CDK8: variants seen among roughly 807,000 people sequenced by gnomAD.
The protein encoded by CDK8 is cyclin-dependent kinase 8.
Under a neutral mutation model 71.5 loss-of-function variants are expected in CDK8, and 29 were observed. The ratio of observed to expected loss-of-function variants is 0.41; its 90% confidence interval spans 0.30 to 0.55. The LOEUF (loss-of-function observed/expected upper bound fraction) is 0.55, where lower values mean the gene tolerates loss of function less well. Among genes scored for constraint, CDK8 ranks in the 20% least tolerant of loss-of-function variants. The probability of loss-of-function intolerance (pLI) is 0.37; values close to 1 mark genes in which losing one functional copy is unlikely to be tolerated. For synonymous variants in CDK8, 161 were observed against 192.1 expected (o/e 0.84, Z 1.34); for missense variants, 288 against 572.6 (o/e 0.50, Z 5.07).
At chr13:26,397,408 C>T (rs1351837070) in intron 9 of CDK8, among the ~76,000 whole-genome samples, 183 bp downstream of exon 9, 3 of 152,122 alleles carry the variant, frequency 2.0e-5, no homozygotes, top group Non-Finnish European at 4.4e-5. Context: ...CTTCCAGACT[C>T]ATATCATGGT....
At chr13:26,388,647 T>C (rs561520645) in intron 6 of CDK8, among the ~76,000 whole-genome samples, 191 of 152,318 alleles carry the variant, frequency 1.3e-3, no homozygotes, top group Non-Finnish European at 2.2e-3. Context: ...CTGTTTATTA[T>C]CTTGTTATTT....
intron 1 of CDK8, among the ~76,000 whole-genome samples, chr13:26,284,409 GAAGA>G (rs1872902481): frequency 1.3e-5 from 2 of 152,256 alleles, no homozygotes; most frequent in Admixed American, 1.3e-4. Flanking sequence ...GATTAACCAA[GAAGA>G]GAGATGTAAA....
intron 1 of CDK8, among the ~76,000 whole-genome samples, chr13:26,284,455 T>G (rs764200939): frequency 6.6e-6 from 1 of 152,110 alleles, no homozygotes; most frequent in Non-Finnish European, 1.5e-5. Flanking sequence ...TGGGAAATAC[T>G]ACAACTGATA....
chr13:26,367,370 A>T (rs559496745), intron 4 of CDK8, among the ~76,000 whole-genome samples: 1 of 149,494 alleles, frequency 6.7e-6, no homozygotes, highest in Non-Finnish European at 1.5e-5. Flanking sequence ...ATCTTGGGTT[A>T]TCTATCCTTG....
chr13:26,392,367 G>A (rs1053552587), intron 6 of CDK8, among the ~76,000 whole-genome samples: 6 of 123,138 alleles, frequency 4.9e-5, no homozygotes, highest in East Asian at 2.4e-4. Flanking sequence ...TTGCTCTGTC[G>A]CCCAGGCAAG....
chr13:26,318,349 T>A (rs1874608436), intron 1 of CDK8, among the ~76,000 whole-genome samples: 1 of 152,138 alleles, frequency 6.6e-6, no homozygotes, highest in Non-Finnish European at 1.5e-5. Flanking sequence ...GCTGGTTAAT[T>A]CTACCAAACA....
rs1405918146 is a variant in CDK8 at position 26,382,804 on chromosome 13, G to A, written c.457-10G>A. On this transcript the variant is annotated splice_polypyrimidine_tract_variant and intron_variant, in intron 4 of 12. Coordinates refer to ENST00000381527, the MANE Select transcript of CDK8 (RefSeq NM_001260.3). Reference sequence around the variant, plus strand: ...GTCTACTGAAAAAAAACACTATTTTGTTTCCACAGAAACCTGCTAATATTT... The same window carrying A: ...GTCTACTGAAAAAAAACACTATTTTATTTCCACAGAAACCTGCTAATATTT... 6.4e-7 allele frequency: 1 copy of A among 1,573,664 alleles called. No individual in the cohort carries two copies. The highest frequency in any genetic ancestry group is 2.3e-5 in the East Asian group (1 of 44,278).
At chr13:26,314,287 A>G (rs547646030) in intron 1 of CDK8, among the ~76,000 whole-genome samples, 4 of 152,344 alleles carry the variant, frequency 2.6e-5, no homozygotes, top group African/African-American at 9.6e-5. Flanking sequence ...AACTTTCAGA[A>G]TAGGTCTCTT....
At chr13:26,392,324 C>CTT (rs5802374) in intron 6 of CDK8, among the ~76,000 whole-genome samples, 289 of 100,304 alleles carry the variant, frequency 2.9e-3, no homozygotes, top group African/African-American at 6.4e-3. Flanking sequence ...ATTTATAACC[C>CTT]TTTTTTTTTT....
At chr13:26,385,187 G>A (rs931865468) in intron 5 of CDK8, 24 bp from the exon 6 acceptor site, 37 of 1,556,034 alleles carry the variant, frequency 2.4e-5, no homozygotes, top group Non-Finnish European at 2.8e-5. Flanking sequence ...TACTTAGCAT[G>A]ATTTTTTTTT....
intron 1 of CDK8, among the ~76,000 whole-genome samples, chr13:26,260,581 A>G (rs139379123): frequency 1.7e-3 from 257 of 152,282 alleles, no homozygotes; most frequent in African/African-American, 5.6e-3. Context: ...TTCTTTTGCT[A>G]CTTAGAGTTT....
chr13:26,300,438 T>C (rs531649324), intron 1 of CDK8, among the ~76,000 whole-genome samples: 9 of 152,238 alleles, frequency 5.9e-5, no homozygotes, highest in African/African-American at 1.4e-4. Context: ...ACTTATGAAT[T>C]GTTTATTTCT....
chr13:26,377,531 A>G (rs948979614), intron 4 of CDK8, among the ~76,000 whole-genome samples: 3 of 152,204 alleles, frequency 2.0e-5, no homozygotes, highest in Admixed American at 2.0e-4. Flanking sequence ...TAAGAATTCT[A>G]TGCTTTTTTT....
At chr13:26,283,426 G>A (rs915096859) in intron 1 of CDK8, among the ~76,000 whole-genome samples, 2 of 151,856 alleles carry the variant, frequency 1.3e-5, no homozygotes, top group Non-Finnish European at 2.9e-5. Context: ...TGGCTAACAC[G>A]GTGAAACTCC....
chr13:26,279,903 T>C (rs1872677705), intron 1 of CDK8, among the ~76,000 whole-genome samples: 1 of 152,178 alleles, frequency 6.6e-6, no homozygotes. Context: ...TTACTTTTGT[T>C]TTCTTCTGAC....
intron 4 of CDK8, among the ~76,000 whole-genome samples, chr13:26,373,990 G>C (rs574645922): frequency 7.0e-6 from 1 of 142,496 alleles, no homozygotes; most frequent in African/African-American, 2.6e-5. Context: ...GACCATCCTG[G>C]CTAACATGGT....
chr13:26,254,591 C>T lies in CDK8; in HGVS notation c.-51C>T. 8.2e-7 allele frequency: 1 copy of T among 1,214,522 alleles called. No homozygotes were observed. The highest frequency in any genetic ancestry group is 1.2e-6 in the Non-Finnish European group (1 of 857,834). The allele number at this position is 1,214,522 out of a possible 1,614,324, so 75.2% of individuals were successfully genotyped here. A position where few individuals can be genotyped will look rare whatever the true frequency, so the allele number is the denominator to read the frequency against. On this transcript the variant is annotated 5_prime_UTR_variant, in exon 1 of 13. Transcript: ENST00000381527. This position sits in a 1 kb window ranked among gnomAD's most constrained non-coding sequence, Gnocchi z 6.7. ...CTGCCCGTGCTTCCCCGGTCCCCAC[C>T]CCTGCCCCCCGGCCCCCCGACCCAG...
chr13:26,370,941 T>A (rs1394926094), intron 4 of CDK8, among the ~76,000 whole-genome samples: 1 of 152,208 alleles, frequency 6.6e-6, no homozygotes, highest in Non-Finnish European at 1.5e-5. Flanking sequence ...TATTTTTGTT[T>A]AATTTTTTTT....
At chr13:26,260,169 T>C (rs1871707552) in intron 1 of CDK8, among the ~76,000 whole-genome samples, 1 of 152,188 alleles carries the variant, frequency 6.6e-6, no homozygotes, top group Non-Finnish European at 1.5e-5. Context: ...GCCTTTCTTT[T>C]CCCCTTGTTT....
Sources: gnomAD v4.1 joint callset for allele counts (sites outside exome capture counted in the v4.1 genomes callset) on GRCh38, gnomAD v4.1.1 for gene constraint, Gnocchi (gnomAD v3.1) non-coding constraint, MANE v1.5 for transcripts, NCBI Gene and HGNC (gene_info 2026-07-23, HGNC 2026-07-21) for gene names.